The following RAP1GAP2 variants were observed in gnomAD, a reference collection of about 807,000 sequenced individuals.
RAP1GAP2 encodes rap1 GTPase-activating protein 2.
A neutral mutation model predicts 95.0 loss-of-function variants in RAP1GAP2; 27 were observed. The ratio of observed to expected loss-of-function variants is 0.28; its 90% confidence interval spans 0.21 to 0.39. The LOEUF is 0.39. Among genes scored for constraint, RAP1GAP2 ranks in the 10% least tolerant of loss-of-function variants. The pLI is 1.00. For missense variants in RAP1GAP2, 771 were observed against 970.0 expected (o/e 0.79, Z 2.72); for synonymous variants, 373 against 380.9 (o/e 0.98, Z 0.24).
In RAP1GAP2 at chr17:2,906,630, C is replaced by T. The variant is rs148445649; in HGVS notation, c.165+1262C>T. Among the ~76,000 whole-genome samples, 744 of 152,162 alleles carry T rather than the reference C, an allele frequency of 4.9e-3. 6 individuals are homozygous for T. The highest frequency in any genetic ancestry group is 0.013 in the South Asian group (62 of 4,824). ...ATCTGAGCCGGGTGCTGGGCCAGCT[C>T]TTTGCACAGGGTAATGCTAAGAAGC... On this transcript the variant is annotated intron_variant, in intron 3 of 24. Transcript: ENST00000254695. The surrounding 1 kb of genome is among the most constrained non-coding windows in gnomAD (Gnocchi z 4.3).
intron 2 of RAP1GAP2, among the ~76,000 whole-genome samples, chr17:2,830,609 G>A (rs9908739): frequency 0.52 from 77,894 of 150,930 alleles, 20,440 homozygotes; most frequent in Non-Finnish European, 0.58. Flanking sequence ...AGCTACTCAG[G>A]AAGCTGAGGC....
intron 3 of RAP1GAP2, among the ~76,000 whole-genome samples, chr17:2,929,350 G>A (rs1454220748): frequency 1.3e-5 from 2 of 152,224 alleles, no homozygotes; most frequent in Non-Finnish European, 2.9e-5. Context: ...CCCGGCACAG[G>A]CGATGAGTGA....
intron 1 of RAP1GAP2, among the ~76,000 whole-genome samples, chr17:2,790,110 C>CTT (rs112066606): frequency 6.9e-6 from 1 of 144,750 alleles, no homozygotes; most frequent in African/African-American, 2.5e-5. Flanking sequence ...CTCCATCATC[C>CTT]TTTTTTTTTT....
chr17:2,831,991 G>T (rs920092325), intron 2 of RAP1GAP2, among the ~76,000 whole-genome samples: 3 of 151,532 alleles, frequency 2.0e-5, no homozygotes, highest in Admixed American at 1.3e-4. Context: ...GGATCACGAG[G>T]TTAGGAGTTC....
intron 11 of RAP1GAP2, 40 bp from the exon 12 acceptor site, chr17:2,991,257 A>T (rs2045741412): frequency 1.4e-6 from 2 of 1,476,962 alleles, no homozygotes; most frequent in East Asian, 2.4e-5. Context: ...ATCAGAAAGA[A>T]TTTTTCTAAT....
At chr17:2,921,033 C>G (rs1370869173) in intron 3 of RAP1GAP2, among the ~76,000 whole-genome samples, 2 of 152,122 alleles carry the variant, frequency 1.3e-5, no homozygotes, top group Non-Finnish European at 2.9e-5. Flanking sequence ...TGTGTGTGCC[C>G]CTCCCGCTGG....
intron 11 of RAP1GAP2, among the ~76,000 whole-genome samples, chr17:2,988,267 G>T (rs79360833): frequency 0.045 from 6,869 of 151,878 alleles, 496 homozygotes; most frequent in African/African-American, 0.15. Context: ...TTCACATAGA[G>T]TTGTAAAAAA....
At chr17:2,988,394 G>A (rs1164858247) in intron 11 of RAP1GAP2, among the ~76,000 whole-genome samples, 3 of 152,128 alleles carry the variant, frequency 2.0e-5, no homozygotes, top group Admixed American at 6.6e-5. Flanking sequence ...GCTCCAGTCC[G>A]TAACCCCTGA....
chr17:2,830,440 G>T (rs2151542765), intron 2 of RAP1GAP2, among the ~76,000 whole-genome samples: 1 of 149,626 alleles, frequency 6.7e-6, no homozygotes, highest in Non-Finnish European at 1.5e-5. Flanking sequence ...AGATGGCCGG[G>T]TGTGGTGGCT....
In RAP1GAP2 at chr17:2,769,232, TAAAAAA is replaced by T. The variant is rs58436827; in HGVS notation, c.51-1062_51-1057del. Among the ~76,000 whole-genome samples the T allele has an allele frequency of 7.6e-3, 325 of 42,780 alleles. 2 individuals carry two copies. The highest frequency in any genetic ancestry group is 0.025 in the East Asian group (28 of 1,108). 28.1% of individuals were successfully genotyped at this position (42,780 alleles called of 152,430 possible). On this transcript the variant is annotated intron_variant, in intron 1 of 25. Coordinates refer to the RAP1GAP2 transcript ENST00000637138. Reference sequence around the variant, plus strand: ...GGATGAGAAAGTGAAACCATTTCTCTAAAAAAAAAAAAAAAAAAAAAAAAAAAAAAA... The same window carrying T: ...GGATGAGAAAGTGAAACCATTTCTCTAAAAAAAAAAAAAAAAAAAAAAAAA...
At chr17:2,952,608 G>C (rs965806515) in intron 3 of RAP1GAP2, among the ~76,000 whole-genome samples, 6 of 152,138 alleles carry the variant, frequency 3.9e-5, no homozygotes, top group Non-Finnish European at 8.8e-5. Context: ...CACAGTGGCT[G>C]TACTGTTTCT....
chr17:3,009,506 C>T (rs541080608), intron 17 of RAP1GAP2, among the ~76,000 whole-genome samples: 13 of 152,334 alleles, frequency 8.5e-5, no homozygotes, highest in African/African-American at 2.2e-4. Context: ...AATCCAGGTC[C>T]GCCGGATTCC....
intron 3 of RAP1GAP2, among the ~76,000 whole-genome samples, chr17:2,924,301 G>C (rs1399058669): frequency 2.6e-5 from 4 of 152,166 alleles, no homozygotes; most frequent in Admixed American, 6.6e-5. Flanking sequence ...GGAGTGTTCC[G>C]AGCCGAGGCT....
chr17:2,949,512 C>T (rs963684937), intron 3 of RAP1GAP2, among the ~76,000 whole-genome samples: 1 of 150,784 alleles, frequency 6.6e-6, no homozygotes, highest in Admixed American at 6.6e-5. Context: ...TGAGTGCCTG[C>T]TGTATGCCCT....
At chr17:2,852,562 CTG>C (rs887363691) in intron 2 of RAP1GAP2, among the ~76,000 whole-genome samples, 1 of 152,216 alleles carries the variant, frequency 6.6e-6, no homozygotes, top group African/African-American at 2.4e-5. Flanking sequence ...CCTGGATTTT[CTG>C]TGTTTGCTTG....
At chr17:2,781,608 G>T (rs1217033260) in intron 1 of RAP1GAP2, among the ~76,000 whole-genome samples, 1 of 142,466 alleles carries the variant, frequency 7.0e-6, no homozygotes, top group African/African-American at 2.7e-5. Context: ...GTGTGTGCAG[G>T]TCTCTGTGTG....
intron 2 of RAP1GAP2, among the ~76,000 whole-genome samples, chr17:2,889,889 A>ATTTTTTTTTT (rs3039128): frequency 0.014 from 828 of 57,174 alleles, 29 homozygotes; most frequent in Non-Finnish European, 0.018. Context: ...ATATATATAT[A>ATTTTTTTTTT]TTTTTTTTTT....
At chr17:2,958,631 T>G (rs2151475573) in intron 4 of RAP1GAP2, among the ~76,000 whole-genome samples, 1 of 152,060 alleles carries the variant, frequency 6.6e-6, no homozygotes, top group South Asian at 2.1e-4. Context: ...ACAGAACAAT[T>G]AAAGGCAGCA....
At chr17:2,929,530 G>A (rs1240494939) in intron 3 of RAP1GAP2, among the ~76,000 whole-genome samples, 1 of 152,192 alleles carries the variant, frequency 6.6e-6, no homozygotes, top group African/African-American at 2.4e-5. Flanking sequence ...TTGGTGAGCT[G>A]GTTCCTGGTA....
Sources: gnomAD v4.1 joint callset for allele counts (sites outside exome capture counted in the v4.1 genomes callset) on GRCh38, gnomAD v4.1.1 for gene constraint, Gnocchi (gnomAD v3.1) non-coding constraint, MANE v1.5 for transcripts, NCBI Gene and HGNC (gene_info 2026-07-23, HGNC 2026-07-21) for gene names.